Variants in RGS17 observed in about 807,000 individuals in gnomAD.
RGS17 encodes regulator of G-protein signaling 17.
In RGS17, 12 loss-of-function variants were observed where a neutral mutation model predicts 25.5. The ratio of observed to expected loss-of-function variants is 0.47; its 90% CI spans 0.30 to 0.76. The LOEUF (loss-of-function observed/expected upper bound fraction) is 0.76. Ranked by LOEUF, RGS17 falls within the 30% of genes least tolerant of loss-of-function variation. The pLI is 0.07. For synonymous variants in RGS17, 71 were observed against 76.9 expected, an observed-to-expected ratio of 0.92 and a Z score of 0.40; for missense variants, 196 against 242.2, an observed-to-expected ratio of 0.81 and a Z score of 1.27.
intron 1 of RGS17, among the ~76,000 whole-genome samples, chr6:153,112,447 T>C (rs547377227): frequency 6.6e-6 from 1 of 152,302 alleles, no homozygotes; most frequent in African/African-American, 2.4e-5. Context: ...CTACGTTTGA[T>C]TGGTGTACCT....
At position 153,130,575 on chromosome 6, in the gene RGS17, C is replaced by G. The variant is rs1427327378; in HGVS notation, c.-26+549G>C. Among the ~76,000 whole-genome samples, 4 of 152,214 alleles carry G rather than the reference C, an allele frequency of 2.6e-5. No homozygotes were observed. Among genetic ancestry groups the G allele is most frequent in the Admixed American group, 2.6e-4 (4 of 15,288 alleles). ...CAACCTCTTCTTCGAACACCTTCCC[C>G]ACCTGAGCAGTGCATTTTCCCAAAG... On this transcript the variant is annotated intron_variant, in intron 1 of 4. Transcript: ENST00000206262. This position sits in a 1 kb window ranked among gnomAD's most constrained non-coding sequence, Gnocchi z 6.4.
intron 1 of RGS17, among the ~76,000 whole-genome samples, chr6:153,078,709 A>AT (rs1191523866): frequency 6.6e-6 from 1 of 152,018 alleles, no homozygotes; most frequent in African/African-American, 2.4e-5. Context: ...TAGCAACTTT[A>AT]TTTTCAATCA....
At position 153,075,679 on chromosome 6, in the gene RGS17, T is replaced by G. The variant is rs138155818; in HGVS notation, c.-25-31636A>C. On this transcript the variant is annotated intron_variant, in intron 1 of 4. Transcript: ENST00000206262. ...AAAACTCCCTGGAGGGCACTGCACA[T>G]CTATAAAATGGAGAACTGTGCATCT... Among the ~76,000 whole-genome samples the G allele has an allele frequency of 4.9e-3, 747 of 152,262 alleles. 4 individuals are homozygous for G. Among genetic ancestry groups the G allele is most frequent in the Non-Finnish European group, 8.9e-3 (603 of 68,020 alleles).
chr6:153,107,584 A>G (rs1777404606), intron 1 of RGS17, among the ~76,000 whole-genome samples: 1 of 152,118 alleles, frequency 6.6e-6, no homozygotes, highest in Non-Finnish European at 1.5e-5. Context: ...TAAAGCCTAT[A>G]TTATATTATC....
At position 153,126,061 on chromosome 6, in the gene RGS17, CAT is replaced by C. The variant is rs567524235; in HGVS notation, c.-26+5061_-26+5062del. Among the ~76,000 whole-genome samples the C allele has an allele frequency of 5.6e-4, 86 of 152,270 alleles. 1 individual carries two copies. Among genetic ancestry groups the C allele is most frequent in the African/African-American group, 1.9e-3 (77 of 41,554 alleles). On this transcript the variant is annotated intron_variant, in intron 1 of 4. Coordinates refer to ENST00000206262, the MANE Select transcript of RGS17 (RefSeq NM_012419.5). ...TAACACATTAAATTCTTACTTTTAACATGTGTAAATTTCACCTAGAGCTTAGT... is the reference window on the plus strand; with the variant it reads ...TAACACATTAAATTCTTACTTTTAACGTGTAAATTTCACCTAGAGCTTAGT...
At chr6:153,013,126 T>C (rs1167760595) in intron 4 of RGS17, among the ~76,000 whole-genome samples, 1 of 152,234 alleles carries the variant, frequency 6.6e-6, no homozygotes, top group African/African-American at 2.4e-5. Flanking sequence ...CGATCCTGTG[T>C]CAAGGAAGTC....
At chr6:153,020,111 A>AATATATAT (rs1779227259) in intron 4 of RGS17, among the ~76,000 whole-genome samples, 105 of 58,406 alleles carry the variant, frequency 1.8e-3, no homozygotes, top group Non-Finnish European at 2.6e-3. Context: ...AAAAAAAAAA[A>AATATATAT]ATATATATAT....
At chr6:153,126,888 A>G (rs1777711884) in intron 1 of RGS17, among the ~76,000 whole-genome samples, 2 of 152,230 alleles carry the variant, frequency 1.3e-5, no homozygotes, top group South Asian at 4.1e-4. Flanking sequence ...ATCAATTTTA[A>G]TTTCTTGAGA....
At chr6:153,011,920 C>A (rs947653403) in intron 4 of RGS17, among the ~76,000 whole-genome samples, 158 bp from the exon 5 acceptor site, 1 of 147,872 alleles carries the variant, frequency 6.8e-6, no homozygotes, top group Admixed American at 6.9e-5. Context: ...ACCTTATGTA[C>A]TTTTCTCCTT....
chr6:153,062,135 T>G (rs1776648373), intron 1 of RGS17, among the ~76,000 whole-genome samples: 1 of 114,606 alleles, frequency 8.7e-6, no homozygotes, highest in Non-Finnish European at 1.6e-5. Flanking sequence ...TTAACAACTA[T>G]CTACACAAGA....
chr6:153,025,645 CAT>C (rs924632704), intron 3 of RGS17, among the ~76,000 whole-genome samples: 2 of 141,234 alleles, frequency 1.4e-5, no homozygotes, highest in Non-Finnish European at 3.0e-5. Flanking sequence ...TATATATAAA[CAT>C]ATATATATAA....
At chr6:153,033,171 T>C (rs1209171603) in intron 2 of RGS17, among the ~76,000 whole-genome samples, 15 of 152,152 alleles carry the variant, frequency 9.9e-5, no homozygotes, top group African/African-American at 3.6e-4. Context: ...AAGATGGGTA[T>C]CAAAAATTCC....
intron 1 of RGS17, among the ~76,000 whole-genome samples, chr6:153,045,127 A>C (rs887309895): frequency 2.0e-4 from 31 of 152,358 alleles, no homozygotes; most frequent in Non-Finnish European, 4.4e-5. Context: ...ACTTTAAAAA[A>C]TACTGCATTC....
intron 4 of RGS17, among the ~76,000 whole-genome samples, chr6:153,020,310 C>T (rs1049564849): frequency 4.0e-5 from 6 of 150,466 alleles, no homozygotes; most frequent in Admixed American, 6.6e-5. Context: ...CCCGCCACCA[C>T]GCCCGGCTAA....
At position 153,112,699 on chromosome 6, in the gene RGS17, A is replaced by G. The variant is rs1450484582; in HGVS notation, c.-26+18425T>C. Reference sequence around the variant, plus strand: ...AAAGGTCGGGTTACCCACAAAGGGAAGCCCATCAGACTAATAGCAGATGTC... The same window carrying G: ...AAAGGTCGGGTTACCCACAAAGGGAGGCCCATCAGACTAATAGCAGATGTC... On this transcript the variant is annotated intron_variant, in intron 1 of 4. Transcript: ENST00000206262. Among the ~76,000 whole-genome samples the G allele has an allele frequency of 2.0e-5, 3 of 152,240 alleles. No homozygotes were observed. In the East Asian group the frequency reaches 5.8e-4, roughly 29 times the overall value.
rs533827196 is a variant in RGS17 at position 153,113,376 on chromosome 6, G to A, written c.-26+17748C>T. ...TAAAGGGATCAATGCCGCAAGAAGA[G>A]CTAACTATCCTAAATACATATGCAC... is the stretch of plus-strand genomic sequence containing the variant. On this transcript the variant is annotated intron_variant, in intron 1 of 4. Transcript: ENST00000206262. 8.5e-5 allele frequency among the ~76,000 whole-genome samples: 13 copies of A among 152,266 alleles called. No individual in the cohort carries two copies. In the South Asian group the frequency reaches 1.7e-3, roughly 19 times the overall value.
chr6:153,031,197 T>A (rs1203633461), intron 2 of RGS17, among the ~76,000 whole-genome samples: 2 of 152,186 alleles, frequency 1.3e-5, no homozygotes, highest in African/African-American at 4.8e-5. Context: ...ATACCTCCTT[T>A]AGGATGGTTT....
chr6:153,019,175 C>T (rs943327610), intron 4 of RGS17, among the ~76,000 whole-genome samples: 2 of 152,186 alleles, frequency 1.3e-5, no homozygotes, highest in Non-Finnish European at 2.9e-5. Flanking sequence ...CGTGGAGGTT[C>T]CAGCGCACTA....
At chr6:153,015,752 C>G (rs1779175953) in intron 4 of RGS17, among the ~76,000 whole-genome samples, 1 of 151,632 alleles carries the variant, frequency 6.6e-6, no homozygotes, top group Admixed American at 6.6e-5. Context: ...CTCCCGGGTT[C>G]ACGCCATTGT....
Sources: gnomAD v4.1 joint callset for allele counts (sites outside exome capture counted in the v4.1 genomes callset) on GRCh38, gnomAD v4.1.1 for gene constraint, Gnocchi (gnomAD v3.1) non-coding constraint, MANE v1.5 for transcripts, NCBI Gene and HGNC (gene_info 2026-07-23, HGNC 2026-07-21) for gene names.